The following FAM107B variants were observed in gnomAD, a reference collection of about 807,000 sequenced individuals.
FAM107B encodes the protein family with sequence similarity 107 member B, also known as protein FAM107B.
Under a neutral mutation model 31.5 loss-of-function variants are expected in FAM107B, and 21 were observed. That is an observed-to-expected ratio of 0.67 (90% confidence interval 0.47 to 0.96). The LOEUF is 0.96. FAM107B is among the 40% of genes least tolerant of loss of function. The pLI is 0.00. For synonymous variants in FAM107B, 157 were observed against 141.5 expected (o/e 1.11, Z -0.78); for missense variants, 452 against 377.1 (o/e 1.20, Z -1.64).
chr10:14,549,709 T>C (rs1382375923), intron 2 of FAM107B, among the ~76,000 whole-genome samples: 3 of 152,124 alleles, frequency 2.0e-5, no homozygotes, highest in Non-Finnish European at 4.4e-5. Context: ...ATGAGACCGT[T>C]CATTCACCAC....
chr10:14,719,951 T>TGCTGTTATTGATC (rs1554752708), intron 1 of FAM107B, among the ~76,000 whole-genome samples: 1 of 152,246 alleles, frequency 6.6e-6, no homozygotes, highest in Non-Finnish European at 1.5e-5. Flanking sequence ...TGTGGGCTCT[T>TGCTGTTATTGATC]TTCCTCACTG....
intron 2 of FAM107B, among the ~76,000 whole-genome samples, chr10:14,607,431 A>G (rs1242282463): frequency 6.6e-6 from 1 of 152,046 alleles, no homozygotes; most frequent in Non-Finnish European, 1.5e-5. Context: ...CTGTGGGGGG[A>G]TCCCAGGAAA....
intron 1 of FAM107B, among the ~76,000 whole-genome samples, chr10:14,747,223 G>T (rs549385237): frequency 2.6e-5 from 4 of 152,076 alleles, no homozygotes; most frequent in Non-Finnish European, 4.4e-5. Context: ...TAGCTTCTTT[G>T]CATTGGGTTA....
chr10:14,770,406 C>T (rs1833274569), intron 1 of FAM107B, among the ~76,000 whole-genome samples: 1 of 151,934 alleles, frequency 6.6e-6, no homozygotes, highest in Non-Finnish European at 1.5e-5. Context: ...GCCTGTAATC[C>T]CAGCTACTTG....
At chr10:14,720,715 T>C (rs938168175) in intron 1 of FAM107B, among the ~76,000 whole-genome samples, 2 of 152,316 alleles carry the variant, frequency 1.3e-5, no homozygotes, top group Middle Eastern at 3.4e-3. Context: ...ATTCTAGAAG[T>C]TCCCAGGCAA....
At chr10:14,706,415 A>G (rs571213200) in intron 1 of FAM107B, among the ~76,000 whole-genome samples, 1 of 152,144 alleles carries the variant, frequency 6.6e-6, no homozygotes, top group African/African-American at 2.4e-5. Context: ...TTTTGTAGAG[A>G]TAAGGTCCCA....
intron 2 of FAM107B, among the ~76,000 whole-genome samples, chr10:14,665,651 C>T (rs1018163386): frequency 1.3e-5 from 2 of 152,224 alleles, no homozygotes; most frequent in Non-Finnish European, 2.9e-5. Context: ...TACTCAGAGT[C>T]ATTTTCAAAG....
intron 2 of FAM107B, among the ~76,000 whole-genome samples, chr10:14,642,947 AT>A (rs1159183363): frequency 6.6e-6 from 1 of 152,102 alleles, no homozygotes; most frequent in East Asian, 1.9e-4. Context: ...TAATGTTCAT[AT>A]TTTTAGTGTG....
Position 14,553,252 on chromosome 10 carries a change from T to G in FAM107B, c.470-22737A>C, listed in dbSNP as rs1849420642. On this transcript the variant is annotated intron_variant, in intron 2 of 4. Transcript: ENST00000181796. The stretch of plus-strand genomic sequence containing the variant: ...ATAATTATATCTGTTCACAGGTAAG[T>G]TTTTCCCCTACATCATGATGAAAGC... 3.5e-6 allele frequency: 3 copies of G among 855,452 alleles called. No individual in the cohort carries two copies. In the Admixed American group the frequency reaches 1.3e-4, roughly 36 times the overall value. 53.0% of individuals were successfully genotyped at this position (855,452 alleles called of 1,614,324 possible).
chr10:14,734,403 G>A (rs970069124), intron 1 of FAM107B, among the ~76,000 whole-genome samples: 1 of 151,886 alleles, frequency 6.6e-6, no homozygotes, highest in Non-Finnish European at 1.5e-5. Context: ...GCAGCCCACA[G>A]ACCACATGTG....
intron 2 of FAM107B, among the ~76,000 whole-genome samples, chr10:14,572,736 A>ATCTTATATATATATATAT (rs1455058375): frequency 1.2e-5 from 1 of 86,490 alleles, no homozygotes; most frequent in Non-Finnish European, 2.4e-5. Context: ...AAAAAAAAAA[A>ATCTTATATATATATATAT]ATTTATATAT....
chr10:14,583,574 A>G (rs1404594307), intron 2 of FAM107B, among the ~76,000 whole-genome samples: 2 of 152,144 alleles, frequency 1.3e-5, no homozygotes, highest in African/African-American at 4.8e-5. Context: ...TTTTTTAAAA[A>G]GTGGTCGCGG....
chr10:14,772,704 T>C (rs151328127), intron 1 of FAM107B, among the ~76,000 whole-genome samples: 2,258 of 152,262 alleles, frequency 0.015, 70 homozygotes, highest in African/African-American at 0.05. Context: ...GCTTCCCAAC[T>C]GTAATCCATC....
intron 2 of FAM107B, among the ~76,000 whole-genome samples, chr10:14,603,517 C>T (rs543051279): frequency 6.7e-4 from 102 of 152,286 alleles, no homozygotes; most frequent in African/African-American, 2.0e-3. Flanking sequence ...CAACCTAATT[C>T]CTCTTGCAGA....
intron 2 of FAM107B, chr10:14,553,264 A>G: frequency 9.9e-7 from 1 of 1,014,136 alleles, no homozygotes; most frequent in Non-Finnish European, 1.3e-6. Context: ...TTTCCCCTAC[A>G]TCATGATGAA....
Position 14,659,812 on chromosome 10 carries a change from T to G in FAM107B, c.469+7822A>C, listed in dbSNP as rs185089940. Among the ~76,000 whole-genome samples, 504 of 152,320 alleles carry G rather than the reference T, an allele frequency of 3.3e-3. 7 individuals are homozygous for G. The highest frequency in any genetic ancestry group is 4.5e-3 in the Non-Finnish European group (303 of 68,018). ...ATCTGAACTCCAAGTGTCATGGACC[T>G]TCCCGCAGAGGGGCTGGCCTTATGT... On this transcript the variant is annotated intron_variant, in intron 2 of 4. Coordinates refer to ENST00000181796, the MANE Select transcript of FAM107B (RefSeq NM_031453.4).
chr10:14,729,288 C>T (rs932215916), intron 1 of FAM107B, among the ~76,000 whole-genome samples: 10 of 152,136 alleles, frequency 6.6e-5, no homozygotes, highest in African/African-American at 1.9e-4. Context: ...TGCAAGCTAC[C>T]GCACCTGATC....
chr10:14,629,389 A>ATTATATTT (rs1564606700), intron 2 of FAM107B, among the ~76,000 whole-genome samples: 13 of 67,462 alleles, frequency 1.9e-4, no homozygotes, highest in Non-Finnish European at 3.4e-4. Flanking sequence ...TATAATATAT[A>ATTATATTT]TAATATATAT....
rs1425750559 is a variant in FAM107B at position 14,522,029 on chromosome 10, A to G, written c.654-10T>C. 6.3e-7 allele frequency: 1 copy of G among 1,594,966 alleles called. No individual in the cohort carries two copies. The highest frequency in any genetic ancestry group is 1.4e-5 in the African/African-American group (1 of 73,498). ...CTGAGGAGCAAGACCCCTGCGAAAG[A>G]GCATTAACAAAAATAGAAAACGTTA... On this transcript the variant is annotated splice_polypyrimidine_tract_variant and intron_variant, in intron 3 of 4. Coordinates refer to ENST00000181796, the MANE Select transcript of FAM107B (RefSeq NM_031453.4).
Sources: allele counts gnomAD v4.1 joint callset (sites outside exome capture counted in the v4.1 genomes callset), GRCh38; gene constraint gnomAD v4.1.1; transcripts MANE v1.5; gene names NCBI Gene and HGNC (gene_info 2026-07-23, HGNC 2026-07-21).